Variants in RANBP3 observed in about 807,000 individuals in gnomAD.
RANBP3 encodes ran-binding protein 3.
RANBP3 carries 14 observed loss-of-function variants against 77.3 expected under a neutral mutation model. The observed-to-expected ratio is 0.18, with a 90% confidence interval of 0.12 to 0.28. The LOEUF (loss-of-function observed/expected upper bound fraction) is 0.28. Among genes scored for constraint, RANBP3 ranks in the 10% least tolerant of loss-of-function variants. The probability of loss-of-function intolerance (pLI) is 1.00; values close to 1 mark genes in which losing one functional copy is unlikely to be tolerated. For synonymous variants in RANBP3, 315 were observed against 312.4 expected (o/e 1.01, Z -0.09); for missense variants, 586 against 752.3 (o/e 0.78, Z 2.59).
chr19:5,944,195 C>T (rs1323081847), intron 3 of RANBP3, among the ~76,000 whole-genome samples: 2 of 152,194 alleles, frequency 1.3e-5, no homozygotes, highest in Admixed American at 6.5e-5. Flanking sequence ...CTGGAGGCTA[C>T]GCTGGGGGCA....
rs188313339 is a variant in RANBP3 at position 5,942,256 on chromosome 19, G to A, written c.283-421C>T. On this transcript the variant is annotated intron_variant, in intron 3 of 16. Coordinates refer to ENST00000340578, the MANE Select transcript of RANBP3 (RefSeq NM_007322.3). ...TGGTCACATCACACCGGATAGGAGCGATTTCCCTTCCTTGCCCTGGAACAT... is the reference window on the plus strand; with the variant it reads ...TGGTCACATCACACCGGATAGGAGCAATTTCCCTTCCTTGCCCTGGAACAT... Among the ~76,000 whole-genome samples, 11 of 152,214 alleles carry A rather than the reference G, an allele frequency of 7.2e-5. No individual in the cohort carries two copies. In the East Asian group the frequency reaches 1.2e-3, roughly 16 times the overall value.
chr19:5,927,921 T>C (rs1434598572), intron 9 of RANBP3, 47 bp downstream of exon 9: 8 of 1,569,428 alleles, frequency 5.1e-6, no homozygotes, highest in Non-Finnish European at 6.9e-6. Context: ...CTGTTGAACC[T>C]GGGGAAGGCA....
intron 1 of RANBP3, among the ~76,000 whole-genome samples, chr19:5,971,951 C>A (rs1329674652): frequency 6.6e-6 from 1 of 152,230 alleles, no homozygotes; most frequent in Non-Finnish European, 1.5e-5. Flanking sequence ...ACTGAAAAAT[C>A]ACTGCTGTGC....
chr19:5,918,264 A>C (rs968075481), intron 15 of RANBP3: 19 of 613,970 alleles, frequency 3.1e-5, no homozygotes. Context: ...ACACATCACA[A>C]CCCCTCAGCC....
At chr19:5,971,982 G>T (rs2058535913) in intron 1 of RANBP3, among the ~76,000 whole-genome samples, 1 of 152,228 alleles carries the variant, frequency 6.6e-6, no homozygotes, top group African/African-American at 2.4e-5. Context: ...GCCAAGGGTG[G>T]TTGCTGTTTT....
chr19:5,943,690 C>T (rs1045890863), intron 3 of RANBP3, among the ~76,000 whole-genome samples: 1 of 152,244 alleles, frequency 6.6e-6, no homozygotes, highest in Non-Finnish European at 1.5e-5. Context: ...GCTTGAGGCC[C>T]GTGTTCTGAG....
At chr19:5,947,360 A>G (rs2058219841) in intron 3 of RANBP3, among the ~76,000 whole-genome samples, 1 of 151,962 alleles carries the variant, frequency 6.6e-6, no homozygotes, top group African/African-American at 2.4e-5. Flanking sequence ...GAAAGAAACA[A>G]AAACAAAAAG....
At chr19:5,972,644 C>T (rs994079943) in intron 1 of RANBP3, among the ~76,000 whole-genome samples, 15 of 152,208 alleles carry the variant, frequency 9.9e-5, no homozygotes. Context: ...GCGCTCTCTT[C>T]TCAGATTCCC....
intron 1 of RANBP3, among the ~76,000 whole-genome samples, chr19:5,974,032 AC>A: frequency 6.6e-6 from 1 of 151,700 alleles, no homozygotes; most frequent in Non-Finnish European, 1.5e-5. Flanking sequence ...CAGCCTCCCC[AC>A]CCCCACTCCC....
Position 5,922,789 on chromosome 19 carries a change from A to G in RANBP3, c.1209+405T>C, listed in dbSNP as rs572106074. ...ACCCCGTCTCTACTAAAAATACAAA[A>G]ATTAGCCTGGCGTGGTGGTGCACAC... On this transcript the variant is annotated intron_variant, in intron 13 of 16. Transcript: ENST00000340578. Among the ~76,000 whole-genome samples, 96 of 152,108 alleles carry G rather than the reference A, an allele frequency of 6.3e-4. 1 individual carries two copies. Among genetic ancestry groups the G allele is most frequent in the African/African-American group, 2.0e-3 (84 of 41,478 alleles).
intron 14 of RANBP3, 99 bp from the exon 15 acceptor site, chr19:5,918,737 AC>A: frequency 6.9e-7 from 1 of 1,444,346 alleles, no homozygotes; most frequent in Non-Finnish European, 9.4e-7. Flanking sequence ...AAGCGACATC[AC>A]CGCGCAAAAG....
chr19:5,930,623 C>A (rs1381808794), intron 8 of RANBP3, among the ~76,000 whole-genome samples: 1 of 152,152 alleles, frequency 6.6e-6, no homozygotes, highest in African/African-American at 2.4e-5. Flanking sequence ...GGCTGGAATG[C>A]AGTGGTGTGA....
chr19:5,945,768 C>T (rs115943708), intron 3 of RANBP3, among the ~76,000 whole-genome samples: 2,434 of 152,128 alleles, frequency 0.016, 46 homozygotes, highest in African/African-American at 0.054. Context: ...TGGATGCTCT[C>T]CCCAGAGCAG....
intron 13 of RANBP3, among the ~76,000 whole-genome samples, chr19:5,922,838 A>G (rs925546545): frequency 1.1e-4 from 16 of 152,174 alleles, no homozygotes; most frequent in African/African-American, 2.2e-4. Context: ...TACTCAGGCG[A>G]CTGAGGCACA....
intron 1 of RANBP3, among the ~76,000 whole-genome samples, chr19:5,965,076 C>T (rs1049778522): frequency 1.3e-5 from 2 of 152,088 alleles, no homozygotes; most frequent in African/African-American, 4.8e-5. Flanking sequence ...GGGATACAGG[C>T]TTCCTCCTGA....
At chr19:5,960,828 A>G (rs577312330) in intron 1 of RANBP3, among the ~76,000 whole-genome samples, 2 of 152,326 alleles carry the variant, frequency 1.3e-5, no homozygotes, top group African/African-American at 4.8e-5. Flanking sequence ...TTCTGGACAC[A>G]CGGCAGGGCT....
chr19:5,969,513 G>A (rs564577172), intron 1 of RANBP3, among the ~76,000 whole-genome samples: 6 of 152,376 alleles, frequency 3.9e-5, no homozygotes, highest in African/African-American at 1.4e-4. Flanking sequence ...AACTACTACT[G>A]TCTCTAGAAT....
intron 2 of RANBP3, among the ~76,000 whole-genome samples, chr19:5,953,010 A>AT (rs1387429497): frequency 6.6e-6 from 1 of 152,192 alleles, no homozygotes; most frequent in East Asian, 1.9e-4. Context: ...AACCACTTGA[A>AT]TTTTTTGTAA....
chr19:5,967,554 CAT>C (rs2058482297), intron 1 of RANBP3, among the ~76,000 whole-genome samples: 1 of 152,216 alleles, frequency 6.6e-6, no homozygotes, highest in East Asian at 1.9e-4. Flanking sequence ...CACTCCACCC[CAT>C]GAGGGCCAAG....
Sources: allele counts gnomAD v4.1 joint callset (sites outside exome capture counted in the v4.1 genomes callset), GRCh38; gene constraint gnomAD v4.1.1; transcripts MANE v1.5; gene names NCBI Gene and HGNC (gene_info 2026-07-23, HGNC 2026-07-21).